The following NDE1 variants were observed in gnomAD, a reference collection of about 807,000 sequenced individuals.
NDE1 encodes the protein nudE neurodevelopment protein 1.
In NDE1, 28 loss-of-function variants were observed where a neutral mutation model predicts 43.4. That is an observed-to-expected ratio of 0.65 (90% confidence interval 0.48 to 0.89). The LOEUF (loss-of-function observed/expected upper bound fraction) is 0.89, where lower values mean the gene tolerates loss of function less well. Ranked by LOEUF, NDE1 falls within the 40% of genes least tolerant of loss-of-function variation. The probability of loss-of-function intolerance (pLI) is 0.00; values close to 1 mark genes in which losing one functional copy is unlikely to be tolerated. For synonymous variants in NDE1, 184 were observed against 172.0 expected (o/e 1.07, Z -0.55); for missense variants, 441 against 434.1 (o/e 1.02, Z -0.14).
At chr16:15,694,717 T>A (rs769427544) in intron 7 of NDE1, 968 of 985,210 alleles carry the variant, frequency 9.8e-4, no homozygotes, top group Non-Finnish European at 1.1e-3. Flanking sequence ...CATTAGAGCT[T>A]CCTGTGGGAG....
chr16:15,697,037 C>T (rs1596639180), intron 8 of NDE1, 177 bp downstream of exon 8: 1 of 1,522,380 alleles, frequency 6.6e-7, no homozygotes, highest in African/African-American at 1.4e-5. Context: ...GTGGCTTGAA[C>T]AAAGGGCTAG....
Position 15,719,803 on chromosome 16 carries a change from A to C in NDE1, c.948-4388A>C, listed in dbSNP as rs572946076. The C allele has an allele frequency of 7.0e-6, 11 of 1,564,852 alleles. No homozygotes were observed. In the African/African-American group the frequency reaches 9.4e-5, roughly 13 times the overall value. On this transcript the variant is annotated intron_variant, in intron 8 of 8. Coordinates refer to ENST00000396354, the MANE Select transcript of NDE1 (RefSeq NM_017668.3). ...TCAGCTTTGCACACCCACCCCTTGG[A>C]TTTTCTGCAGTTGACCACAAAGAAG...
chr16:15,653,427 G>A (rs2036600607), intron 1 of NDE1, among the ~76,000 whole-genome samples: 1 of 152,194 alleles, frequency 6.6e-6, no homozygotes. Flanking sequence ...CGTCCTGGCT[G>A]TCGGAGCATG....
At chr16:15,683,956 C>T (rs1180545450) in intron 4 of NDE1, among the ~76,000 whole-genome samples, 8 of 151,888 alleles carry the variant, frequency 5.3e-5, no homozygotes, top group Admixed American at 3.9e-4. Flanking sequence ...AATCGCTGGG[C>T]GCATTGGCTC....
At chr16:15,684,771 A>G (rs2056918773) in intron 4 of NDE1, among the ~76,000 whole-genome samples, 1 of 152,200 alleles carries the variant, frequency 6.6e-6, no homozygotes, top group African/African-American at 2.4e-5. Context: ...TGAACCTGCC[A>G]TCTTTTTACC....
intron 8 of NDE1, chr16:15,720,307 G>T: frequency 1.2e-6 from 2 of 1,613,834 alleles, no homozygotes; most frequent in Non-Finnish European, 1.7e-6. Context: ...TCTCATACTC[G>T]TGAAGCTGGG....
At position 15,717,290 on chromosome 16, in the gene NDE1, C is replaced by T. The variant is rs746310860; in HGVS notation, c.948-6901C>T. On this transcript the variant is annotated intron_variant, in intron 8 of 8. Transcript: ENST00000396354. Reference sequence around the variant, plus strand: ...CTGCCGCTCGAGCTGCTGCCGGGCACTCTCATTCTTCTGGGCCGTGCTGCG... The same window carrying T: ...CTGCCGCTCGAGCTGCTGCCGGGCATTCTCATTCTTCTGGGCCGTGCTGCG... 6.2e-7 allele frequency: 1 copy of T among 1,613,310 alleles called. No individual in the cohort carries two copies. The highest frequency in any genetic ancestry group is 2.2e-5 in the East Asian group (1 of 44,898).
intron 3 of NDE1, among the ~76,000 whole-genome samples, chr16:15,677,375 C>T (rs2037937067): frequency 6.6e-6 from 1 of 152,024 alleles, no homozygotes; most frequent in Non-Finnish European, 1.5e-5. Context: ...CTTGAGGTGT[C>T]AGGAGTTCAA....
At chr16:15,707,428 G>C (rs369032907) in intron 8 of NDE1, among the ~76,000 whole-genome samples, 3 of 152,250 alleles carry the variant, frequency 2.0e-5, no homozygotes, top group East Asian at 3.9e-4. Context: ...GTTTCCCACT[G>C]ACCAGTGGGT....
At chr16:15,718,284 A>C (rs769891293) in intron 8 of NDE1, 1 of 1,606,474 alleles carries the variant, frequency 6.2e-7, no homozygotes, top group Non-Finnish European at 8.5e-7. Flanking sequence ...GACAGTAGGC[A>C]GCGTGACTGT....
intron 3 of NDE1, among the ~76,000 whole-genome samples, chr16:15,670,078 C>T (rs1165968450): frequency 6.6e-6 from 1 of 152,174 alleles, no homozygotes; most frequent in Non-Finnish European, 1.5e-5. Context: ...TGAACCCTCT[C>T]TCCCCATCCC....
chr16:15,708,335 G>C (rs1394992416), intron 8 of NDE1, among the ~76,000 whole-genome samples: 1 of 152,152 alleles, frequency 6.6e-6, no homozygotes, highest in East Asian at 1.9e-4. Flanking sequence ...TTGTGACCCA[G>C]ACCAGCCAAC....
At chr16:15,691,430 T>C in intron 6 of NDE1, 107 bp downstream of exon 6, 2 of 1,299,006 alleles carry the variant, frequency 1.5e-6, no homozygotes, top group Non-Finnish European at 1.1e-6. Flanking sequence ...GCTCAGAGCC[T>C]GATTTGCTCT....
intron 4 of NDE1, chr16:15,686,283 A>G: frequency 1.2e-6 from 1 of 821,898 alleles, no homozygotes; most frequent in South Asian, 5.6e-5. Context: ...CTTCCCCACC[A>G]CAATCCTGCA....
At chr16:15,696,998 TC>T in intron 8 of NDE1, 138 bp downstream of exon 8, 3 of 1,536,142 alleles carry the variant, frequency 2.0e-6, no homozygotes, top group Non-Finnish European at 2.6e-6. Flanking sequence ...TCTCCTCTGC[TC>T]CCTGCAGGCA....
At position 15,720,075 on chromosome 16, in the gene NDE1, G is replaced by A. The variant is rs1181266593; in HGVS notation, c.948-4116G>A. 66 of 1,593,870 alleles carry A rather than the reference G, an allele frequency of 4.1e-5. No homozygotes were observed. The South Asian group carries it at 5.7e-4, about 14-fold the overall frequency. Reference sequence around the variant, plus strand: ...GGTGCAGGCTTGCTTCCTGGAGCCCGCTCTGCTGACTTCGGTGGCCTGAGG... The same window carrying A: ...GGTGCAGGCTTGCTTCCTGGAGCCCACTCTGCTGACTTCGGTGGCCTGAGG... On this transcript the variant is annotated intron_variant, in intron 8 of 8. Transcript: ENST00000396354.
intron 8 of NDE1, chr16:15,711,372 C>T (rs2039784297): frequency 1.3e-5 from 2 of 152,100 alleles, no homozygotes; most frequent in South Asian, 2.1e-4. Context: ...TGTTGTCACT[C>T]CCTTTTTAGT....
chr16:15,694,474 G>C, intron 7 of NDE1: 1 of 1,306,932 alleles, frequency 7.7e-7, no homozygotes, highest in Non-Finnish European at 1.0e-6. Flanking sequence ...GCTTCCCGAG[G>C]AGCTTGGACC....
intron 7 of NDE1, 104 bp from the exon 8 acceptor site, chr16:15,696,603 AAC>A: frequency 6.3e-7 from 1 of 1,595,336 alleles, no homozygotes; most frequent in South Asian, 1.1e-5. Context: ...TCCAGTGCAC[AAC>A]AGTTTGAGAA....
Sources: allele counts gnomAD v4.1 joint callset (sites outside exome capture counted in the v4.1 genomes callset), GRCh38; gene constraint gnomAD v4.1.1; transcripts MANE v1.5; gene names NCBI Gene and HGNC (gene_info 2026-07-23, HGNC 2026-07-21).